ABCA2: variants seen among roughly 807,000 people sequenced by gnomAD.
The protein encoded by ABCA2 is ATP binding cassette subfamily A member 2, also known as ATP-binding cassette sub-family A member 2.
In ABCA2, 84 loss-of-function variants were observed where a neutral mutation model predicts 262.8. The ratio of observed to expected loss-of-function variants is 0.32; its 90% CI spans 0.27 to 0.38. The LOEUF is 0.38. ABCA2 is among the 10% of genes least tolerant of loss of function. The probability of loss-of-function intolerance (pLI) is 1.00; values close to 1 mark genes in which losing one functional copy is unlikely to be tolerated. For missense variants in ABCA2, 2,662 were observed against 3,405.9 expected (o/e 0.78, Z 5.44); for synonymous variants, 1,696 against 1,502.9 (o/e 1.13, Z -2.97).
At chr9:137,017,387 C>T (rs200676536) in intron 17 of ABCA2, 41 bp from the exon 18 acceptor site, 103 of 1,608,688 alleles carry the variant, frequency 6.4e-5, no homozygotes, top group Admixed American at 5.5e-4. Context: ...TCCACCCGCA[C>T]GCCCGGCCTC....
In ABCA2 at chr9:137,024,007, G is replaced by T; in HGVS notation, c.160+136C>A. On this transcript the variant is annotated intron_variant, in intron 2 of 48. Transcript: ENST00000341511. Reference sequence around the variant, plus strand: ...AGCCCAGCCAGGAGGCACGGCCCAGGACCACACAGGGGAGCAGGCACCGCA... The same window carrying T: ...AGCCCAGCCAGGAGGCACGGCCCAGTACCACACAGGGGAGCAGGCACCGCA... 3.3e-6 allele frequency: 5 copies of T among 1,524,664 alleles called. No homozygotes were observed. In the South Asian group the frequency reaches 6.3e-5, roughly 19 times the overall value. The allele number at this position is 1,524,664 out of a possible 1,614,324, so 94.4% of individuals were successfully genotyped here.
Position 137,010,604 on chromosome 9 carries a change from C to CCCCAAA in ABCA2, c.6174+15_6174+16insTTTGGG. The stretch of plus-strand genomic sequence containing the variant: ...CCTACCCCACCCAGGCCCCACCCTA[C>CCCCAAA]ATGCCCAGAGCCCACCTTGGTCAGG... On this transcript the variant is annotated intron_variant, in intron 40 of 48. Transcript: ENST00000341511. 2 of 720,268 alleles carry CCCCAAA rather than the reference C, an allele frequency of 2.8e-6. No homozygotes were observed. The highest frequency in any genetic ancestry group is 5.0e-6 in the Non-Finnish European group (2 of 398,242). 44.6% of individuals were successfully genotyped at this position (720,268 alleles called of 1,614,324 possible). A position where few individuals can be genotyped will look rare whatever the true frequency, so the allele number is the denominator to read the frequency against.
In ABCA2 at chr9:137,012,211, C is replaced by G. The variant is rs202094066; in HGVS notation, c.5300-49G>C. 4,812 of 1,604,270 alleles carry G rather than the reference C, an allele frequency of 3.0e-3. 8 individuals carry two copies. Among genetic ancestry groups the G allele is most frequent in the Non-Finnish European group, 3.7e-3 (4,388 of 1,176,472 alleles). On this transcript the variant is annotated intron_variant, in intron 33 of 48. Transcript: ENST00000341511. ...GCAGCTTCAGGCCCCAGCTCCTCCCCGCCCCGGCCCCAGCTCCTCCCCGCC... is the reference window on the plus strand; with the variant it reads ...GCAGCTTCAGGCCCCAGCTCCTCCCGGCCCCGGCCCCAGCTCCTCCCCGCC...
At chr9:137,024,069 A>G (rs1831569561) in intron 2 of ABCA2, 74 bp downstream of exon 2, 4 of 1,530,192 alleles carry the variant, frequency 2.6e-6, no homozygotes, top group Non-Finnish European at 3.5e-6. Flanking sequence ...CCGTGTGCAG[A>G]TGTGCACACA....
intron 9 of ABCA2, 74 bp downstream of exon 9, chr9:137,020,620 C>T: frequency 3.2e-6 from 5 of 1,568,404 alleles, no homozygotes; most frequent in Non-Finnish European, 4.3e-6. Context: ...CCTCCAGAGC[C>T]AGAGCCTAGA....
chr9:137,028,785 A>T (rs562250755), upstream of ABCA2: 1 of 1,291,152 alleles, frequency 7.7e-7, no homozygotes, highest in Non-Finnish European at 1.0e-6. This position sits in a 1 kb window ranked among gnomAD's most constrained non-coding sequence, Gnocchi z 6.9. Flanking sequence ...AAGGGGGGAA[A>T]CTCGAGGCCC....
chr9:137,017,210 C>T lies in ABCA2; in HGVS notation c.2539G>A (p.Glu847Lys). 1 of 1,612,580 alleles carries T rather than the reference C, an allele frequency of 6.2e-7. No individual in the cohort carries two copies. Among genetic ancestry groups the T allele is most frequent in the Non-Finnish European group, 8.5e-7 (1 of 1,179,874 alleles). ...GCGACCCTCACCGCGATGCACTTCTCGAAGGCCGTGATCTTATCATGCGCC... is the reference window on the plus strand; with the variant it reads ...GCGACCCTCACCGCGATGCACTTCTTGAAGGCCGTGATCTTATCATGCGCC... ...EVAHDKITAF[E>K]KCIASLMSTT... Residue 847 changes from glutamate (E) to lysine (K), a missense_variant, in exon 18 of 49, where the codon GAG becomes AAG. Glu to Lys is a moderately conservative substitution (Grantham distance 56). Around this residue, in one of 12 missense-constraint regions of ABCA2, gnomAD observed 188 missense variants for 343.4 expected, o/e 0.55. Coordinates refer to ENST00000341511, the MANE Select transcript of ABCA2 (RefSeq NM_001606.5).
At position 137,007,745 on chromosome 9, in the gene ABCA2, C is replaced by A; in HGVS notation, c.*184G>T. 1.3e-6 allele frequency: 1 copy of A among 788,616 alleles called. No individual in the cohort carries two copies. Among genetic ancestry groups the A allele is most frequent in the South Asian group, 1.7e-5 (1 of 60,206 alleles). The allele number at this position is 788,616 out of a possible 1,614,324, so 48.9% of individuals were successfully genotyped here. ...GGTCAGCCTTTGGCACAATTAGGGG[C>A]GGCAACCGCAGTGACCACAGGGCAT... On this transcript the variant is annotated 3_prime_UTR_variant, in exon 49 of 49. Coordinates refer to ENST00000341511, the MANE Select transcript of ABCA2 (RefSeq NM_001606.5).
chr9:137,016,628 G>C lies in ABCA2; in HGVS notation c.2869C>G (p.Arg957Gly), dbSNP rs764848157. The C allele has an allele frequency of 1.2e-6, 2 of 1,610,266 alleles. No homozygotes were observed. Reference sequence around the variant, plus strand: ...TGGTCCTCCTCCATGACACTGAGGCGGGGGGTGCGTGCCCACGGCCAGCTC... The same window carrying C: ...TGGTCCTCCTCCATGACACTGAGGCCGGGGGTGCGTGCCCACGGCCAGCTC... ...EWSWPWARTPRLSVMEEDQAC... is the reference protein window; with the variant it reads ...EWSWPWARTPGLSVMEEDQAC... The change falls in exon 20 of 49, where the codon CGC becomes GGC. Residue 957 changes from arginine (R) to glycine (G), a missense_variant. Coordinates refer to ENST00000341511, the MANE Select transcript of ABCA2 (RefSeq NM_001606.5).
Position 137,009,905 on chromosome 9 carries a change from T to C in ABCA2, c.6496-2A>G, listed in dbSNP as rs113136712. 6.2e-7 allele frequency: 1 copy of C among 1,605,738 alleles called. No homozygotes were observed. On this transcript the variant is annotated splice_acceptor_variant, in intron 42 of 48. Transcript: ENST00000341511. LOFTEE classifies it high-confidence loss of function. ...CTTCTCCAGAGCCCACTTCACCACC[T>C]GGCCAGGGAACGCAGGTGTCAGTGG...
Position 137,018,953 on chromosome 9 carries a change from G to A in ABCA2, c.1672C>T (p.Leu558=), listed in dbSNP as rs751912707. The part of the protein sequence containing the change: ...LPSGMALLQQ[L]DTIDNAACGW... ...CAGGCCGCGTTGTCAATGGTATCCA[G>A]CTGCTGCAGGAGGGCCATGCCACTG... is the stretch of plus-strand genomic sequence containing the variant. Residue 558 remains leucine, a synonymous_variant, in exon 12 of 49, where the codon CTG becomes TTG. Transcript: ENST00000341511. 6.2e-7 allele frequency: 1 copy of A among 1,613,008 alleles called. No individual in the cohort carries two copies. The highest frequency in any genetic ancestry group is 1.1e-5 in the South Asian group (1 of 91,088).
At chr9:137,023,504 C>G in intron 3 of ABCA2, 1 of 742,944 alleles carries the variant, frequency 1.3e-6, no homozygotes, top group Non-Finnish European at 2.5e-6. Context: ...GTAGCCAGGC[C>G]GCTCCAGCCC....
chr9:137,028,188 G>T lies in ABCA2; in HGVS notation c.-48C>A. 1 of 980,276 alleles carries T rather than the reference G, an allele frequency of 1.0e-6. No individual in the cohort carries two copies. Among genetic ancestry groups the T allele is most frequent in the Non-Finnish European group, 1.2e-6 (1 of 827,866 alleles). The allele number at this position is 980,276 out of a possible 1,614,324, so 60.7% of individuals were successfully genotyped here. A position where few individuals can be genotyped will look rare whatever the true frequency, so the allele number is the denominator to read the frequency against. On this transcript the variant is annotated 5_prime_UTR_variant, in exon 1 of 49. Coordinates refer to ENST00000341511, the MANE Select transcript of ABCA2 (RefSeq NM_001606.5). The surrounding 1 kb of genome is among the most constrained non-coding windows in gnomAD (Gnocchi z 6.9). ...TCAGCGCCGCGGCCCGCTCCTCTGC[G>T]CGCCCCGCCGGGCCCCGCAGCCCGC...
At chr9:137,014,104 T>C in intron 27 of ABCA2, 64 bp downstream of exon 27, 4 of 1,591,336 alleles carry the variant, frequency 2.5e-6, no homozygotes, top group Non-Finnish European at 3.4e-6. Context: ...GCTGCCCTCA[T>C]GCCGCTCCCC....
chr9:137,011,656 G>A lies in ABCA2; in HGVS notation c.5629C>T (p.Leu1877Phe). 6.4e-7 allele frequency: 1 copy of A among 1,554,110 alleles called. No individual in the cohort carries two copies. The highest frequency in any genetic ancestry group is 8.7e-7 in the Non-Finnish European group (1 of 1,149,284). Residue 1877 changes from leucine (L) to phenylalanine (F), a missense_variant, in exon 36 of 49, where the codon CTC becomes TTC. Physicochemically the swap from Leu to Phe is conservative, Grantham distance 22 (BLOSUM62 0). Transcript: ENST00000341511. This position sits in a 1 kb window ranked among gnomAD's most constrained non-coding sequence, Gnocchi z 8.8. Reference protein sequence around the residue: ...YTSPTNFPAVLSLFLLYGWSI... With the variant: ...YTSPTNFPAVFSLFLLYGWSI... ...TACCCATAGAGCAGGAAGAGGGAGA[G>A]GACGGCAGGGAAGTTGGTGGGCGAC...
Position 137,028,217 on chromosome 9 carries a change from G to A in ABCA2, c.-77C>T, listed in dbSNP as rs1002145643. 5.1e-6 allele frequency: 5 copies of A among 975,910 alleles called. No homozygotes were observed. The African/African-American group carries it at 9.0e-5, about 17-fold the overall frequency. The allele number at this position is 975,910 out of a possible 1,614,324, so 60.5% of individuals were successfully genotyped here. On this transcript the variant is annotated 5_prime_UTR_variant, in exon 1 of 49. Transcript: ENST00000341511. This position sits in a 1 kb window ranked among gnomAD's most constrained non-coding sequence, Gnocchi z 6.9. ...CCCGCCGGGCCCCGCAGCCCGCCGCGCCGCTGGGCATCGCCCGCGCGGGGG... is the reference window on the plus strand; with the variant it reads ...CCCGCCGGGCCCCGCAGCCCGCCGCACCGCTGGGCATCGCCCGCGCGGGGG...
intron 47 of ABCA2, 25 bp from the exon 48 acceptor site, chr9:137,008,647 G>T: frequency 1.3e-6 from 2 of 1,587,036 alleles, no homozygotes; most frequent in Non-Finnish European, 1.7e-6. Context: ...AGGCGTGTGG[G>T]GAGGGGGCTG....
chr9:137,017,859 C>G lies in ABCA2; in HGVS notation c.2139G>C (p.Val713=), dbSNP rs1232179824. Residue 713 remains valine, a synonymous_variant, in exon 16 of 49, where the codon GTG becomes GTC. Coordinates refer to ENST00000341511, the MANE Select transcript of ABCA2 (RefSeq NM_001606.5). The part of the protein sequence containing the change: ...VIEHMMPLCM[V]ISWVYSVAMT... ...TGGCCACGGAGTAGACCCAGGAGAT[C>G]ACCATGCACAGCGGCATCATGTGCT... 1 of 1,612,642 alleles carries G rather than the reference C, an allele frequency of 6.2e-7. No homozygotes were observed. Among genetic ancestry groups the G allele is most frequent in the East Asian group, 2.2e-5 (1 of 44,876 alleles).
At position 137,020,569 on chromosome 9, in the gene ABCA2, G is replaced by A. The variant is rs898225131; in HGVS notation, c.1266-74C>T. On this transcript the variant is annotated intron_variant, in intron 9 of 48. Coordinates refer to ENST00000341511, the MANE Select transcript of ABCA2 (RefSeq NM_001606.5). The stretch of plus-strand genomic sequence containing the variant: ...GCGAGAGTGGGAGGGGCATCGGGAT[G>A]GGGCAGGACTTCGGGGCACAGGGCA... The A allele has an allele frequency of 1.4e-5, 21 of 1,543,350 alleles. No homozygotes were observed. In the Admixed American group the frequency reaches 3.8e-4, roughly 28 times the overall value.
Sources: allele counts gnomAD v4.1 joint callset, GRCh38; gene constraint gnomAD v4.1.1; regional missense constraint gnomAD v4.1.1; non-coding constraint Gnocchi (gnomAD v3.1); transcripts MANE v1.5; gene names NCBI Gene and HGNC (gene_info 2026-07-23, HGNC 2026-07-21).